The following DPYSL3 variants were observed in gnomAD, a reference collection of about 807,000 sequenced individuals.
DPYSL3 encodes dihydropyrimidinase like 3, also known as dihydropyrimidinase-related protein 3.
DPYSL3 carries 16 observed loss-of-function variants against 66.1 expected under a neutral mutation model. The ratio of observed to expected loss-of-function variants is 0.24; its 90% CI spans 0.16 to 0.37. The LOEUF is 0.37. DPYSL3 is among the 10% of genes least tolerant of loss of function. The pLI is 1.00. For synonymous variants in DPYSL3, 338 were observed against 345.1 expected (o/e 0.98, Z 0.23); for missense variants, 738 against 916.2 (o/e 0.81, Z 2.51).
rs532822489 is a variant in DPYSL3 at position 147,410,596 on chromosome 5, G to A, written c.964-1800C>T. Among the ~76,000 whole-genome samples the A allele has an allele frequency of 5.9e-5, 9 of 152,228 alleles. No homozygotes were observed. The South Asian group carries it at 6.2e-4, about 11-fold the overall frequency. On this transcript the variant is annotated intron_variant, in intron 6 of 13. Transcript: ENST00000343218. ...GAACCCTGTCTTTTACATCTTCCCCGTCCAAGGCTTGGCGTATAGTAGATG... is the reference window on the plus strand; with the variant it reads ...GAACCCTGTCTTTTACATCTTCCCCATCCAAGGCTTGGCGTATAGTAGATG...
At position 147,418,545 on chromosome 5, in the gene DPYSL3, A is replaced by G. The variant is rs1051623683; in HGVS notation, c.557T>C (p.Val186Ala). 7 of 1,613,544 alleles carry G rather than the reference A, an allele frequency of 4.3e-6. No individual in the cohort carries two copies. In the African/African-American group the frequency reaches 6.7e-5, roughly 15 times the overall value. The change falls in exon 3 of 14, where the codon GTC (valine) becomes GCC (alanine). Residue 186 changes from valine to alanine, a missense_variant. Val to Ala is a moderately conservative substitution (Grantham distance 64). Transcript: ENST00000343218. ...GKMVIPGGID[V>A]HTHFQMPYKG... ...ATATGGCATCTGGAAGTGAGTATGG[A>G]CATCGATGCCTCCAGGGATCACCAT... is the stretch of plus-strand genomic sequence containing the variant.
rs1253975405 is a variant in DPYSL3, at chr5:147,414,368, T to G, written c.821-711A>C. On this transcript the variant is annotated intron_variant, in intron 4 of 13. Coordinates refer to ENST00000343218, the MANE Select transcript of DPYSL3 (RefSeq NM_001197294.2). ...GTTTATATGTAAAGATCTATTTAGA[T>G]CTCTCCCCAAATAAACTACTAATAC... Among the ~76,000 whole-genome samples, 4 of 152,130 alleles carry G rather than the reference T, an allele frequency of 2.6e-5. No individual in the cohort carries two copies. The East Asian group carries it at 7.7e-4, about 29-fold the overall frequency.
intron 1 of DPYSL3, among the ~76,000 whole-genome samples, chr5:147,496,562 A>G (rs1417776326): frequency 6.6e-6 from 1 of 152,108 alleles, no homozygotes; most frequent in Admixed American, 6.5e-5. Context: ...AGAAAAAAAC[A>G]AACAACCCCA....
intron 1 of DPYSL3, among the ~76,000 whole-genome samples, chr5:147,494,630 C>T (rs1308347437): frequency 6.6e-6 from 1 of 150,424 alleles, no homozygotes; most frequent in Non-Finnish European, 1.5e-5. Context: ...CTTTGGGAGG[C>T]CGAGGCGGGC....
At chr5:147,459,758 C>T (rs904080626) in intron 1 of DPYSL3, among the ~76,000 whole-genome samples, 5 of 152,190 alleles carry the variant, frequency 3.3e-5, no homozygotes, top group Admixed American at 2.6e-4. Flanking sequence ...GGATTCTGAC[C>T]TGCTCCATCC....
At chr5:147,440,129 C>T (rs1752505458) in intron 1 of DPYSL3, among the ~76,000 whole-genome samples, 1 of 152,118 alleles carries the variant, frequency 6.6e-6, no homozygotes, top group African/African-American at 2.4e-5. Flanking sequence ...TGTGAAACCC[C>T]GTCTCTACTA....
At chr5:147,407,030 C>T (rs375637574) in intron 7 of DPYSL3, among the ~76,000 whole-genome samples, 132 of 152,200 alleles carry the variant, frequency 8.7e-4, no homozygotes, top group African/African-American at 2.6e-3. Flanking sequence ...TACTCTGGAG[C>T]GGCTGTCTCT....
chr5:147,447,590 G>A (rs1240332121), intron 1 of DPYSL3, among the ~76,000 whole-genome samples: 1 of 152,190 alleles, frequency 6.6e-6, no homozygotes, highest in African/African-American at 2.4e-5. Context: ...TCCATCACAG[G>A]CCAGGTGCGG....
chr5:147,467,031 C>G (rs1030760165), intron 1 of DPYSL3, among the ~76,000 whole-genome samples: 5 of 151,954 alleles, frequency 3.3e-5, no homozygotes, highest in Non-Finnish European at 1.5e-5. Context: ...CAAATAAGAC[C>G]CTAGATTTCT....
chr5:147,498,791 GTTGT>G (rs1252316224), intron 1 of DPYSL3, among the ~76,000 whole-genome samples: 1 of 152,002 alleles, frequency 6.6e-6, no homozygotes, highest in African/African-American at 2.4e-5. Flanking sequence ...TTTTAATGGG[GTTGT>G]TTGTTTTTTC....
At chr5:147,506,806 C>G (rs1753689923) in intron 1 of DPYSL3, among the ~76,000 whole-genome samples, 1 of 152,086 alleles carries the variant, frequency 6.6e-6, no homozygotes, top group African/African-American at 2.4e-5. Context: ...AGTCATATAA[C>G]TAGTAAAGGT....
chr5:147,415,316 A>G (rs556592929), intron 4 of DPYSL3, among the ~76,000 whole-genome samples: 2 of 152,192 alleles, frequency 1.3e-5, no homozygotes, highest in South Asian at 4.1e-4. Flanking sequence ...AAAATCCCTA[A>G]TCTCATAGGT....
chr5:147,394,403 G>A (rs1055290537), intron 13 of DPYSL3, among the ~76,000 whole-genome samples: 1 of 152,148 alleles, frequency 6.6e-6, no homozygotes, highest in African/African-American at 2.4e-5. Flanking sequence ...TGACAAAGAC[G>A]TGACACTCAT....
At chr5:147,494,408 A>T (rs567187411) in intron 1 of DPYSL3, among the ~76,000 whole-genome samples, 1 of 152,138 alleles carries the variant, frequency 6.6e-6, no homozygotes, top group African/African-American at 2.4e-5. Flanking sequence ...TAGAGTATCG[A>T]TCAGTACAGA....
chr5:147,453,610 G>C (rs763875948), intron 1 of DPYSL3: 1 of 1,528,888 alleles, frequency 6.5e-7, no homozygotes, highest in South Asian at 1.2e-5. Context: ...GGCTGCAGCG[G>C]CTGGCTCCCT....
chr5:147,430,238 G>A (rs1310574136), intron 1 of DPYSL3, among the ~76,000 whole-genome samples: 1 of 152,122 alleles, frequency 6.6e-6, no homozygotes, highest in African/African-American at 2.4e-5. Context: ...GCTCACGCCT[G>A]TAATCCCAGC....
chr5:147,467,928 C>A (rs1753034487), intron 1 of DPYSL3, among the ~76,000 whole-genome samples: 1 of 152,170 alleles, frequency 6.6e-6, no homozygotes, highest in Non-Finnish European at 1.5e-5. Flanking sequence ...GCTGAATGGG[C>A]AAGACAGCTC....
chr5:147,505,674 A>C (rs1753677066), intron 1 of DPYSL3, among the ~76,000 whole-genome samples: 1 of 152,240 alleles, frequency 6.6e-6, no homozygotes. Flanking sequence ...TTACCAAGAC[A>C]CTTAAAATAT....
chr5:147,440,234 C>A (rs1306667520), intron 1 of DPYSL3, among the ~76,000 whole-genome samples: 1 of 152,082 alleles, frequency 6.6e-6, no homozygotes. Context: ...ACCTGGGAGG[C>A]GGAGCTTGCA....
Sources: gnomAD v4.1 joint callset for allele counts (sites outside exome capture counted in the v4.1 genomes callset) on GRCh38, gnomAD v4.1.1 for gene constraint, MANE v1.5 for transcripts, NCBI Gene and HGNC (gene_info 2026-07-23, HGNC 2026-07-21) for gene names.